The following TMPRSS4 variants were observed in gnomAD, a reference collection of about 807,000 sequenced individuals.
TMPRSS4 encodes transmembrane serine protease 4, also known as transmembrane protease serine 4.
A neutral mutation model predicts 56.4 loss-of-function variants in TMPRSS4; 45 were observed. The observed-to-expected ratio is 0.80, with a 90% CI of 0.63 to 1.02. The LOEUF is 1.02. Ranked by LOEUF, TMPRSS4 falls within the 50% of genes least tolerant of loss-of-function variation. The probability of loss-of-function intolerance (pLI) is 0.00; values close to 1 mark genes in which losing one functional copy is unlikely to be tolerated. For missense variants in TMPRSS4, 546 were observed against 556.7 expected, an observed-to-expected ratio of 0.98 and a Z score of 0.19; for synonymous variants, 205 against 211.0, an observed-to-expected ratio of 0.97 and a Z score of 0.25.
At chr11:118,099,663 G>T (rs1334942821) in intron 3 of TMPRSS4, among the ~76,000 whole-genome samples, 6 of 152,094 alleles carry the variant, frequency 3.9e-5, no homozygotes, top group South Asian at 2.1e-4. Flanking sequence ...AATTTGCAGG[G>T]CTGCCACGCC....
chr11:118,097,358 A>C lies in TMPRSS4; in HGVS notation c.44-1627A>C, dbSNP rs917787295. Among the ~76,000 whole-genome samples the C allele has an allele frequency of 3.3e-5, 5 of 152,194 alleles. No individual in the cohort carries two copies. The East Asian group carries it at 9.6e-4, about 29-fold the overall frequency. On this transcript the variant is annotated intron_variant, in intron 2 of 12. Coordinates refer to ENST00000437212, the MANE Select transcript of TMPRSS4 (RefSeq NM_019894.4). ...AGGATAGGAAAGGTTGGAAGGCTGC[A>C]TTTTAAATAGGGAGATCCAGGAAGG...
chr11:118,118,016 C>T lies in TMPRSS4; in HGVS notation c.*103C>T. On this transcript the variant is annotated 3_prime_UTR_variant, in exon 13 of 13. Coordinates refer to ENST00000437212, the MANE Select transcript of TMPRSS4 (RefSeq NM_019894.4). ...AGAGCAAGAGTCCCCTTGGGTACAC[C>T]CCTCTGCCCACAGCCTCAGCATTTC... is the stretch of plus-strand genomic sequence containing the variant. 6.3e-7 allele frequency: 1 copy of T among 1,598,444 alleles called. No individual in the cohort carries two copies. The highest frequency in any genetic ancestry group is 8.5e-7 in the Non-Finnish European group (1 of 1,175,486).
chr11:118,112,221 T>C (rs760140597), intron 8 of TMPRSS4, among the ~76,000 whole-genome samples: 1 of 151,884 alleles, frequency 6.6e-6, no homozygotes, highest in African/African-American at 2.4e-5. Flanking sequence ...CTCACTCTCT[T>C]TTTGCTTGTT....
At chr11:118,088,773 GTAAA>G (rs924632060) in intron 1 of TMPRSS4, among the ~76,000 whole-genome samples, 2 of 152,224 alleles carry the variant, frequency 1.3e-5, no homozygotes, top group African/African-American at 2.4e-5. Context: ...CAAGCTGGGG[GTAAA>G]TAAATACATC....
At chr11:118,093,891 G>A (rs1406342975) in intron 1 of TMPRSS4, among the ~76,000 whole-genome samples, 1 of 151,118 alleles carries the variant, frequency 6.6e-6, no homozygotes, top group Non-Finnish European at 1.5e-5. Flanking sequence ...CTTTATATAA[G>A]TGAAATCGTA....
At chr11:118,103,306 C>T in intron 4 of TMPRSS4, 53 bp downstream of exon 4, 8 of 1,586,950 alleles carry the variant, frequency 5.0e-6, no homozygotes, top group South Asian at 3.4e-5. Context: ...GAGGTCTGCT[C>T]AGGCCCCCAC....
chr11:118,111,277 C>T (rs1947263734), intron 7 of TMPRSS4, among the ~76,000 whole-genome samples: 1 of 152,168 alleles, frequency 6.6e-6, no homozygotes, highest in African/African-American at 2.4e-5. Context: ...GAGAGACTCC[C>T]CTGGCCGGGG....
chr11:118,083,772 T>C (rs1301416855), intron 1 of TMPRSS4, among the ~76,000 whole-genome samples: 2 of 152,180 alleles, frequency 1.3e-5, no homozygotes, highest in Non-Finnish European at 2.9e-5. Context: ...TACTGTACTC[T>C]TGGCTGGGTG....
At chr11:118,110,578 G>A (rs1027111775) in intron 7 of TMPRSS4, among the ~76,000 whole-genome samples, 4 of 152,098 alleles carry the variant, frequency 2.6e-5, no homozygotes, top group African/African-American at 9.7e-5. Flanking sequence ...TCACCATGTT[G>A]GCCAGGCTAG....
intron 1 of TMPRSS4, among the ~76,000 whole-genome samples, chr11:118,092,197 G>A (rs1946020774): frequency 1.3e-5 from 2 of 152,018 alleles, no homozygotes; most frequent in Admixed American, 6.6e-5. Context: ...ACCGCCCAAG[G>A]GGTTCACCTT....
chr11:118,114,554 T>C (rs1341055500), intron 9 of TMPRSS4, among the ~76,000 whole-genome samples: 1 of 152,182 alleles, frequency 6.6e-6, no homozygotes, highest in Non-Finnish European at 1.5e-5. Context: ...TCTGGTTGTC[T>C]AGTATCTGTC....
chr11:118,117,922 C>T lies in TMPRSS4; in HGVS notation c.*9C>T. The T allele has an allele frequency of 6.2e-7, 1 of 1,613,168 alleles. No homozygotes were observed. The highest frequency in any genetic ancestry group is 8.5e-7 in the Non-Finnish European group (1 of 1,180,036). ...TCTAGGCTGAGCTGTAATGCTGCTG[C>T]CCCTTTGCAGTGCTGGGAGCCGCTT... On this transcript the variant is annotated 3_prime_UTR_variant, in exon 13 of 13. Coordinates refer to ENST00000437212, the MANE Select transcript of TMPRSS4 (RefSeq NM_019894.4).
Position 118,111,978 on chromosome 11 carries a change from G to A in TMPRSS4, c.743+78G>A, listed in dbSNP as rs537155460. 5.2e-6 allele frequency: 8 copies of A among 1,546,154 alleles called. No individual in the cohort carries two copies. The South Asian group carries it at 7.4e-5, about 14-fold the overall frequency. On this transcript the variant is annotated intron_variant, in intron 8 of 12. Transcript: ENST00000437212. ...AGAGAGCTTGGGGTCCTGTCTCCTG[G>A]CACCGTCCTTCTCTTCACTCTCCCA... is the stretch of plus-strand genomic sequence containing the variant.
intron 1 of TMPRSS4, among the ~76,000 whole-genome samples, chr11:118,080,182 C>A (rs1186890069): frequency 6.6e-6 from 1 of 152,166 alleles, no homozygotes. Flanking sequence ...ACCCCTGGAG[C>A]TGAAAAAGCA....
rs184087116 is a variant in TMPRSS4 at position 118,098,673 on chromosome 11, C to T, written c.44-312C>T. Among the ~76,000 whole-genome samples, 24 of 152,206 alleles carry T rather than the reference C, an allele frequency of 1.6e-4. No homozygotes were observed. In the Middle Eastern group the frequency reaches 0.01, roughly 65 times the overall value. ...GGGGCTCAGGCCTCTCTCGGGCAGGCGAGGGTCAGACAAAACCCAGAAATG... is the reference window on the plus strand; with the variant it reads ...GGGGCTCAGGCCTCTCTCGGGCAGGTGAGGGTCAGACAAAACCCAGAAATG... On this transcript the variant is annotated intron_variant, in intron 2 of 12. Transcript: ENST00000437212.
intron 6 of TMPRSS4, chr11:118,108,624 C>A (rs1371416749): frequency 5.5e-6 from 3 of 549,260 alleles, no homozygotes; most frequent in Non-Finnish European, 9.6e-6. Context: ...CAGGCAGGGC[C>A]CAGCACACAG....
At chr11:118,104,592 C>G in intron 4 of TMPRSS4, 99 bp from the exon 5 acceptor site, 5 of 1,566,672 alleles carry the variant, frequency 3.2e-6, no homozygotes, top group Non-Finnish European at 4.3e-6. Flanking sequence ...ACCCCCAGTT[C>G]TAGGTTGGGG....
intron 1 of TMPRSS4, among the ~76,000 whole-genome samples, chr11:118,079,723 G>GGGGCTTGGCT (rs150700918): frequency 0.24 from 37,015 of 151,686 alleles, 5,523 homozygotes; most frequent in Non-Finnish European, 0.34. Flanking sequence ...ACAGAGTCAA[G>GGGGCTTGGCT]GGGCTTGGCT....
chr11:118,104,659 G>A (rs200934506), intron 4 of TMPRSS4, 32 bp from the exon 5 acceptor site: 13 of 1,613,800 alleles, frequency 8.1e-6, no homozygotes, highest in East Asian at 6.7e-5. Flanking sequence ...TGGGCCCCCC[G>A]TTCCATCTAA....
Sources: allele counts gnomAD v4.1 joint callset (sites outside exome capture counted in the v4.1 genomes callset), GRCh38; gene constraint gnomAD v4.1.1; transcripts MANE v1.5; gene names NCBI Gene and HGNC (gene_info 2026-07-23, HGNC 2026-07-21).